OPCML: variants seen among roughly 807,000 people sequenced by gnomAD.
OPCML encodes opioid-binding protein/cell adhesion molecule.
OPCML carries 13 observed loss-of-function variants against 37.8 expected under a neutral mutation model. The observed-to-expected ratio is 0.34, with a 90% CI of 0.22 to 0.55. The LOEUF is 0.55. OPCML is among the 20% of genes least tolerant of loss of function. The probability of loss-of-function intolerance (pLI) is 0.91; values close to 1 mark genes in which losing one functional copy is unlikely to be tolerated. For missense variants in OPCML, 341 were observed against 435.6 expected (o/e 0.78, Z 1.93); for synonymous variants, 176 against 168.8 (o/e 1.04, Z -0.33).
At chr11:133,163,679 A>G (rs571456033) in intron 1 of OPCML, among the ~76,000 whole-genome samples, 2 of 152,260 alleles carry the variant, frequency 1.3e-5, no homozygotes, top group East Asian at 3.9e-4. Flanking sequence ...TTTCAGTGTG[A>G]GTGTTGCAGG....
At chr11:132,539,798 AATG>A (rs977097771) in intron 3 of OPCML, among the ~76,000 whole-genome samples, 5 of 151,834 alleles carry the variant, frequency 3.3e-5, no homozygotes, top group African/African-American at 9.7e-5. Flanking sequence ...TAATGACGGT[AATG>A]ATGATGGTGA....
At chr11:133,234,718 T>A (rs920406415) in intron 1 of OPCML, among the ~76,000 whole-genome samples, 2 of 152,232 alleles carry the variant, frequency 1.3e-5, no homozygotes, top group Non-Finnish European at 2.9e-5. Context: ...ACCATGCTAG[T>A]TCTCTAGCCT....
rs1038563462 is a variant in OPCML at position 132,979,957 on chromosome 11, A to AGG, written c.62-36949_62-36948dup. On this transcript the variant is annotated intron_variant, in intron 1 of 7. Coordinates refer to ENST00000524381, the MANE Select transcript of OPCML (RefSeq NM_001012393.5). ...AGCCATTTGGTCAAATATCATAAAGAGGCTGAGTAAGATAAAAGTTAAGTG... is the reference window on the plus strand; with the variant it reads ...AGCCATTTGGTCAAATATCATAAAGAGGGGCTGAGTAAGATAAAAGTTAAGTG... Among the ~76,000 whole-genome samples, 49 of 152,356 alleles carry AGG rather than the reference A, an allele frequency of 3.2e-4. No homozygotes were observed. In the East Asian group the frequency reaches 8.1e-3, roughly 25 times the overall value.
chr11:133,439,719 G>T (rs1051901692), intron 1 of OPCML, among the ~76,000 whole-genome samples: 1 of 151,904 alleles, frequency 6.6e-6, no homozygotes, highest in Non-Finnish European at 1.5e-5. Flanking sequence ...CACCCGCCTT[G>T]GCCTCCCAAA....
chr11:132,822,613 A>G (rs1230838362), intron 2 of OPCML, among the ~76,000 whole-genome samples: 2 of 152,132 alleles, frequency 1.3e-5, no homozygotes, highest in Non-Finnish European at 2.9e-5. Flanking sequence ...CTGGTGACCC[A>G]AGGAAACAGT....
intron 2 of OPCML, among the ~76,000 whole-genome samples, chr11:132,801,050 A>G (rs1443133130): frequency 1.3e-5 from 2 of 152,200 alleles, no homozygotes; most frequent in Non-Finnish European, 2.9e-5. Flanking sequence ...TAGTTTTTAG[A>G]TTACTAATTC....
intron 1 of OPCML, among the ~76,000 whole-genome samples, chr11:132,952,123 C>T (rs544459429): frequency 1.1e-4 from 17 of 152,230 alleles, no homozygotes; most frequent in Middle Eastern, 3.4e-3. Context: ...GGGTTTGATG[C>T]GTATTTGTAT....
At chr11:133,282,272 C>G (rs1942179888) in intron 1 of OPCML, among the ~76,000 whole-genome samples, 1 of 152,166 alleles carries the variant, frequency 6.6e-6, no homozygotes, top group African/African-American at 2.4e-5. Flanking sequence ...ACCCCACTGT[C>G]CTGAGCAATC....
At chr11:133,369,834 A>G (rs148042716) in intron 1 of OPCML, among the ~76,000 whole-genome samples, 1 of 152,314 alleles carries the variant, frequency 6.6e-6, no homozygotes, top group African/African-American at 2.4e-5. Flanking sequence ...GTTGTATGGT[A>G]TAGGTTGGCT....
At chr11:132,545,349 G>A (rs942551006) in intron 3 of OPCML, among the ~76,000 whole-genome samples, 3 of 152,130 alleles carry the variant, frequency 2.0e-5, no homozygotes, top group African/African-American at 7.2e-5. Flanking sequence ...TGGGGCATAT[G>A]GTGACAGGTT....
intron 2 of OPCML, 70 bp from the exon 3 acceptor site, chr11:132,657,389 T>G: frequency 6.5e-7 from 1 of 1,548,536 alleles, no homozygotes; most frequent in Non-Finnish European, 8.7e-7. Context: ...TTATATAATA[T>G]GGTAAATAAG....
chr11:133,243,679 G>A (rs1940813163), intron 1 of OPCML, among the ~76,000 whole-genome samples: 1 of 152,216 alleles, frequency 6.6e-6, no homozygotes, highest in East Asian at 1.9e-4. Flanking sequence ...TAGGGCACTG[G>A]AATTTTTTGC....
intron 2 of OPCML, among the ~76,000 whole-genome samples, chr11:132,700,548 G>T (rs375916999): frequency 6.6e-5 from 10 of 152,056 alleles, no homozygotes; most frequent in East Asian, 5.8e-4. Context: ...ACCCCTCGTG[G>T]TTCAGTAATG....
Position 133,319,825 on chromosome 11 carries a change from A to G in OPCML, c.61+212439T>C, listed in dbSNP as rs147769819. Among the ~76,000 whole-genome samples, 1,007 of 152,320 alleles carry G rather than the reference A, an allele frequency of 6.6e-3. 2 individuals are homozygous for G. The highest frequency in any genetic ancestry group is 0.014 in the Middle Eastern group (4 of 294). On this transcript the variant is annotated intron_variant, in intron 1 of 7. Coordinates refer to ENST00000524381, the MANE Select transcript of OPCML (RefSeq NM_001012393.5). ...AGCTCCTGAGGTCGCCCTGGAGGAA[A>G]CACTGAAACAAAATGACCCTGTGGC...
chr11:132,509,948 G>C (rs964204596), intron 4 of OPCML, among the ~76,000 whole-genome samples: 3 of 152,130 alleles, frequency 2.0e-5, no homozygotes, highest in African/African-American at 7.2e-5. Context: ...AGCTTGCACT[G>C]TGTGCATGGA....
intron 2 of OPCML, among the ~76,000 whole-genome samples, chr11:132,747,959 G>T (rs946533043): frequency 6.6e-6 from 1 of 151,950 alleles, no homozygotes; most frequent in African/African-American, 2.4e-5. Context: ...GTAAGCAAGT[G>T]CTTAAAAGAG....
intron 1 of OPCML, among the ~76,000 whole-genome samples, chr11:133,228,375 GCATA>G (rs1275831318): frequency 6.6e-6 from 1 of 152,220 alleles, no homozygotes; most frequent in East Asian, 1.9e-4. Context: ...AGGTCACACA[GCATA>G]CATAAACACT....
Position 133,024,335 on chromosome 11 carries a change from G to A in OPCML, c.62-81325C>T, listed in dbSNP as rs756423086. On this transcript the variant is annotated intron_variant, in intron 1 of 7. Coordinates refer to ENST00000524381, the MANE Select transcript of OPCML (RefSeq NM_001012393.5). ...GGAGCATGCTCTGGGAAGGAAGTGCGTTCTTTACAGGTGAAACAGCACACG... is the reference window on the plus strand; with the variant it reads ...GGAGCATGCTCTGGGAAGGAAGTGCATTCTTTACAGGTGAAACAGCACACG... The A allele has an allele frequency of 2.7e-5, 27 of 984,754 alleles. No homozygotes were observed. The Admixed American group carries it at 3.7e-4, about 13-fold the overall frequency. The allele number at this position is 984,754 out of a possible 1,614,324, so 61.0% of individuals were successfully genotyped here. A position where few individuals can be genotyped will look rare whatever the true frequency, so the allele number is the denominator to read the frequency against.
Position 132,537,595 on chromosome 11 carries a change from T to TA in OPCML, c.380-8410dup, listed in dbSNP as rs2096344354. 2.0e-5 allele frequency among the ~76,000 whole-genome samples: 3 copies of TA among 152,296 alleles called. No homozygotes were observed. In the South Asian group the frequency reaches 6.2e-4, roughly 32 times the overall value. Reference sequence around the variant, plus strand: ...TAGATAAACCGGACTTCATTCAAATTAAAAGTGTTTGTGCTTCAAAACACA... The same window carrying TA: ...TAGATAAACCGGACTTCATTCAAATTAAAAAGTGTTTGTGCTTCAAAACACA... On this transcript the variant is annotated intron_variant, in intron 3 of 7. Coordinates refer to ENST00000524381, the MANE Select transcript of OPCML (RefSeq NM_001012393.5).
Sources: allele counts gnomAD v4.1 joint callset (sites outside exome capture counted in the v4.1 genomes callset), GRCh38; gene constraint gnomAD v4.1.1; transcripts MANE v1.5; gene names NCBI Gene and HGNC (gene_info 2026-07-23, HGNC 2026-07-21).